Variants in AAMDC observed in about 807,000 individuals in gnomAD.
AAMDC encodes mth938 domain-containing protein.
In AAMDC, 16 loss-of-function variants were observed where a neutral mutation model predicts 15.5. The ratio of observed to expected loss-of-function variants is 1.03; its 90% CI spans 0.70 to 1.57. AAMDC has a LOEUF of 1.57. Among genes scored for constraint, AAMDC ranks in the 40% most tolerant of loss-of-function variants. The pLI, the probability that AAMDC is intolerant of heterozygous loss-of-function variation, is 0.00. For synonymous variants in AAMDC, 51 were observed against 51.6 expected, an observed-to-expected ratio of 0.99 and a Z score of 0.05; for missense variants, 141 against 144.9, an observed-to-expected ratio of 0.97 and a Z score of 0.14.
At chr11:77,866,689 C>G (rs1174000852) in intron 2 of AAMDC, 2 of 151,412 alleles carry the variant, frequency 1.3e-5, no homozygotes, top group Non-Finnish European at 2.9e-5. Context: ...TTTCATTTTA[C>G]TAGAATGTGA....
downstream of AAMDC, among the ~76,000 whole-genome samples, chr11:77,901,179 T>C (rs917291760): frequency 3.3e-5 from 5 of 152,330 alleles, no homozygotes; most frequent in African/African-American, 1.2e-4. Context: ...TTGTGCTATA[T>C]GTAATGGAGA....
chr11:77,828,510 A>G (rs896782201), intron 1 of AAMDC, among the ~76,000 whole-genome samples: 1 of 151,910 alleles, frequency 6.6e-6, no homozygotes, highest in Non-Finnish European at 1.5e-5. Flanking sequence ...TACTAAAAAT[A>G]CAAAAACAAA....
intron 2 of AAMDC, among the ~76,000 whole-genome samples, chr11:77,852,953 C>T (rs1236780258): frequency 6.6e-6 from 1 of 152,044 alleles, no homozygotes; most frequent in African/African-American, 2.4e-5. Context: ...GGGATGGGTA[C>T]TCGATTGCTT....
chr11:77,875,062 G>GAAGCTGGCC (rs1256151393), downstream of AAMDC, among the ~76,000 whole-genome samples: 2 of 150,374 alleles, frequency 1.3e-5, no homozygotes, highest in Non-Finnish European at 3.0e-5. Flanking sequence ...AAAAAGACAT[G>GAAGCTGGCC]AAGCTGGCCA....
chr11:77,847,318 G>A (rs1404183481), intron 2 of AAMDC, among the ~76,000 whole-genome samples: 1 of 152,110 alleles, frequency 6.6e-6, no homozygotes, highest in African/African-American at 2.4e-5. Context: ...ATTTTTATCT[G>A]GCATTTGGTT....
intron 5 of AAMDC, among the ~76,000 whole-genome samples, chr11:77,878,439 T>C (rs1359188613): frequency 1.3e-5 from 2 of 152,130 alleles, no homozygotes; most frequent in Non-Finnish European, 2.9e-5. Context: ...AGCTACTGCC[T>C]GCATTAGGGA....
Position 77,852,428 on chromosome 11 carries a change from A to AT in AAMDC, c.132+9802dup, listed in dbSNP as rs927243947. 4.1e-4 allele frequency among the ~76,000 whole-genome samples: 63 copies of AT among 152,072 alleles called. 1 individual carries two copies. The highest frequency in any genetic ancestry group is 1.5e-3 in the African/African-American group (61 of 41,460). On this transcript the variant is annotated intron_variant, in intron 2 of 3. Coordinates refer to ENST00000393427, the MANE Select transcript of AAMDC (RefSeq NM_024684.4). ...CTGAATCATGTAAAATATTTACATG[A>AT]TTCAGAATTCAAACTTCAAACTATG...
At chr11:77,835,694 G>A (rs763763463) in intron 1 of AAMDC, among the ~76,000 whole-genome samples, 1 of 152,068 alleles carries the variant, frequency 6.6e-6, no homozygotes. Context: ...TGAGGTGGGC[G>A]GATCGCTTGA....
At chr11:77,840,145 T>G (rs947907404) in intron 1 of AAMDC, among the ~76,000 whole-genome samples, 2 of 152,048 alleles carry the variant, frequency 1.3e-5, no homozygotes, top group African/African-American at 2.4e-5. Context: ...GAATGATTAA[T>G]GCACAATATA....
downstream of AAMDC, chr11:77,903,427 C>G (rs1591036408): frequency 1.2e-5 from 19 of 1,607,328 alleles, no homozygotes; most frequent in East Asian, 4.2e-4. Context: ...CATGCCACAA[C>G]TTTTCCTGCA....
At chr11:77,834,548 G>A (rs1178693104) in intron 1 of AAMDC, among the ~76,000 whole-genome samples, 1 of 148,850 alleles carries the variant, frequency 6.7e-6, no homozygotes, top group African/African-American at 2.5e-5. Flanking sequence ...CTGAGTAGCT[G>A]GAATTACAAG....
chr11:77,829,970 A>G (rs1425001417), intron 1 of AAMDC: 2 of 152,180 alleles, frequency 1.3e-5, no homozygotes, highest in Non-Finnish European at 2.9e-5. Flanking sequence ...CATCTCTACA[A>G]AATTCTTTTT....
At chr11:77,865,820 C>T (rs1007441663) in intron 2 of AAMDC, among the ~76,000 whole-genome samples, 3 of 152,210 alleles carry the variant, frequency 2.0e-5, no homozygotes. Context: ...TATAATCTTA[C>T]ATATCTTCTT....
intron 5 of AAMDC, chr11:77,900,462 G>A: frequency 1.8e-6 from 1 of 554,826 alleles, no homozygotes; most frequent in Non-Finnish European, 3.2e-6. Flanking sequence ...CAAGATACGT[G>A]AAGAAATAAA....
chr11:77,852,088 C>G (rs997780595), intron 2 of AAMDC, among the ~76,000 whole-genome samples: 2 of 151,484 alleles, frequency 1.3e-5, no homozygotes, highest in African/African-American at 2.4e-5. Context: ...TAGTTGTGGG[C>G]AGCCATAGTG....
chr11:77,853,125 T>G (rs963077517), intron 2 of AAMDC, among the ~76,000 whole-genome samples: 6 of 152,370 alleles, frequency 3.9e-5, no homozygotes, highest in East Asian at 3.9e-4. Context: ...TTCCCCTTTT[T>G]GGGGGTTGTA....
intron 1 of AAMDC, among the ~76,000 whole-genome samples, chr11:77,841,706 C>T (rs1454244768): frequency 6.6e-6 from 1 of 152,166 alleles, no homozygotes; most frequent in Non-Finnish European, 1.5e-5. Flanking sequence ...CTCTGGTCCA[C>T]TTGGGATATG....
intron 1 of AAMDC, chr11:77,829,713 C>T (rs1368087076): frequency 1.3e-5 from 2 of 152,186 alleles, no homozygotes; most frequent in African/African-American, 4.8e-5. Flanking sequence ...TTAGAAATAA[C>T]ACCAAATCCA....
intron 1 of AAMDC, among the ~76,000 whole-genome samples, chr11:77,835,556 C>A (rs867396809): frequency 2.0e-5 from 3 of 152,292 alleles, no homozygotes; most frequent in Middle Eastern, 6.8e-3. Flanking sequence ...TTTTATCTCC[C>A]AGGAAGTTGT....
Sources: gnomAD v4.1 joint callset for allele counts (sites outside exome capture counted in the v4.1 genomes callset) on GRCh38, gnomAD v4.1.1 for gene constraint, MANE v1.5 for transcripts, NCBI Gene and HGNC (gene_info 2026-07-23, HGNC 2026-07-21) for gene names.